Variants in ZNF140 observed in about 807,000 individuals in gnomAD.
The protein encoded by ZNF140 is zinc finger protein 140 (clone pHZ-39).
In ZNF140, 13 loss-of-function variants were observed where a neutral mutation model predicts 12.9. The ratio of observed to expected loss-of-function variants is 1.01; its 90% CI spans 0.66 to 1.60. The LOEUF (loss-of-function observed/expected upper bound fraction) is 1.60. Among genes scored for constraint, ZNF140 ranks in the 40% most tolerant of loss-of-function variants. The probability of loss-of-function intolerance (pLI) is 0.00; values close to 1 mark genes in which losing one functional copy is unlikely to be tolerated. For missense variants in ZNF140, 531 were observed against 548.8 expected, an observed-to-expected ratio of 0.97 and a Z score of 0.32; for synonymous variants, 214 against 186.7, an observed-to-expected ratio of 1.15 and a Z score of -1.19.
intron 4 of ZNF140, among the ~76,000 whole-genome samples, chr12:133,090,785 G>A (rs1380612007): frequency 1.4e-5 from 2 of 141,322 alleles, no homozygotes; most frequent in African/African-American, 2.6e-5. Flanking sequence ...GAGAAGGTCA[G>A]CAAAAAACAT....
intron 4 of ZNF140, among the ~76,000 whole-genome samples, chr12:133,088,383 A>T (rs1225373373): frequency 2.0e-5 from 3 of 152,230 alleles, no homozygotes; most frequent in Non-Finnish European, 4.4e-5. Context: ...GGCTTCTTTC[A>T]CATACTAATA....
At chr12:133,084,267 C>T (rs980988468) in intron 4 of ZNF140, 21 of 369,700 alleles carry the variant, frequency 5.7e-5, no homozygotes, top group African/African-American at 4.6e-4. Context: ...ACATATTTTG[C>T]TGTTCTATTT....
In ZNF140 at chr12:133,096,097, T is replaced by C. The variant is rs368676869; in HGVS notation, c.233-9413T>C. Among the ~76,000 whole-genome samples, 989 of 151,702 alleles carry C rather than the reference T, an allele frequency of 6.5e-3. 19 individuals carry two copies. The highest frequency in any genetic ancestry group is 0.01 in the Non-Finnish European group (710 of 67,766). Reference sequence around the variant, plus strand: ...AGGTCTTTCTCATCCCACGAGGCCATATTTCAGACTATCACATGGGGAGAA... The same window carrying C: ...AGGTCTTTCTCATCCCACGAGGCCACATTTCAGACTATCACATGGGGAGAA... On this transcript the variant is annotated intron_variant, in intron 4 of 4. Transcript: ENST00000355557.
chr12:133,091,262 G>A (rs998042800), intron 4 of ZNF140, among the ~76,000 whole-genome samples: 6 of 150,716 alleles, frequency 4.0e-5, no homozygotes, highest in Admixed American at 1.3e-4. Context: ...CTGGTTTATT[G>A]AGACTAGAGA....
At chr12:133,097,851 T>TGTGTGTG (rs1219923897) in intron 4 of ZNF140, among the ~76,000 whole-genome samples, 12 of 78,656 alleles carry the variant, frequency 1.5e-4, no homozygotes, top group African/African-American at 5.6e-4. Context: ...GTGTGTGTGT[T>TGTGTGTG]TTTGAGATGA....
intron 4 of ZNF140, among the ~76,000 whole-genome samples, chr12:133,095,685 A>C (rs983401423): frequency 6.6e-6 from 1 of 151,870 alleles, no homozygotes; most frequent in African/African-American, 2.4e-5. Flanking sequence ...AAAGGAATGT[A>C]GTAGGAGAGC....
rs938400305 is a variant in ZNF140, at chr12:133,091,935, C to A, written c.232+8374C>A. Among the ~76,000 whole-genome samples the A allele has an allele frequency of 9.4e-4, 142 of 151,282 alleles. 5 individuals are homozygous for A. Among genetic ancestry groups the A allele is most frequent in the South Asian group, 3.8e-3 (18 of 4,786 alleles). Reference sequence around the variant, plus strand: ...CTCGAGGTGTAATACAAAAATCTGACGTAGTCCAGTCACACTAACTGAAAA... The same window carrying A: ...CTCGAGGTGTAATACAAAAATCTGAAGTAGTCCAGTCACACTAACTGAAAA... On this transcript the variant is annotated intron_variant, in intron 4 of 4. Transcript: ENST00000355557.
intron 2 of ZNF140, chr12:133,081,532 G>A: frequency 2.2e-6 from 1 of 457,138 alleles, no homozygotes; most frequent in East Asian, 6.9e-5. Context: ...TGTTTTTCAG[G>A]ACTTGGGACG....
At chr12:133,100,753 TAA>T (rs1384794636) in intron 4 of ZNF140, among the ~76,000 whole-genome samples, 4 of 152,118 alleles carry the variant, frequency 2.6e-5, no homozygotes, top group Non-Finnish European at 5.9e-5. Flanking sequence ...CATGATTAAG[TAA>T]AATAAGGGTC....
intron 2 of ZNF140, 69 bp from the exon 3 acceptor site, chr12:133,083,034 T>C: frequency 6.2e-7 from 1 of 1,610,826 alleles, no homozygotes; most frequent in East Asian, 2.2e-5. Flanking sequence ...GTGAGACTCA[T>C]TTTATTCCTT....
At chr12:133,092,832 A>G (rs1235317937) in intron 4 of ZNF140, among the ~76,000 whole-genome samples, 1 of 151,196 alleles carries the variant, frequency 6.6e-6, no homozygotes, top group African/African-American at 2.5e-5. Flanking sequence ...ATAGTTCCAA[A>G]TTTATTGTTT....
chr12:133,106,533 AC>A lies in ZNF140; in HGVS notation c.1257del (p.Asn419LysfsTer72). The A allele has an allele frequency of 6.2e-7, 1 of 1,614,106 alleles. No individual in the cohort carries two copies. The highest frequency in any genetic ancestry group is 8.5e-7 in the Non-Finnish European group (1 of 1,180,026). The stretch of plus-strand genomic sequence containing the variant: ...AAACCCTATGTATGTAAGGTATGCA[AC>A]AAATCCTTCAGCTGGAGCTCAAACC... Reference protein sequence around the residue: ...GEKPYVCKVCNKSFSWSSNLA... With the variant: ...GEKPYVCKVCXKSFSWSSNLA... On this transcript the variant is annotated frameshift_variant, in exon 5 of 5. Coordinates refer to ENST00000355557, the MANE Select transcript of ZNF140 (RefSeq NM_003440.4). LOFTEE classifies it low-confidence loss of function (END_TRUNC).
At chr12:133,083,658 C>A in intron 4 of ZNF140, 97 bp downstream of exon 4, 1 of 1,224,226 alleles carries the variant, frequency 8.2e-7, no homozygotes, top group Non-Finnish European at 1.2e-6. Context: ...GAAAATTTTC[C>A]CTTAAAGATA....
chr12:133,083,212 G>A lies in ZNF140; in HGVS notation c.119G>A (p.Gly40Asp). 2 of 1,613,650 alleles carry A rather than the reference G, an allele frequency of 1.2e-6. No individual in the cohort carries two copies. Among genetic ancestry groups the A allele is most frequent in the Non-Finnish European group, 1.7e-6 (2 of 1,179,662 alleles). ...AGATGTGTAATGTTGGAGAACTATG[G>A]CCATCTGGTCTCACTGGGTAAGTAT... ...LYRCVMLENYGHLVSLGLSIS... is the reference protein window; with the variant it reads ...LYRCVMLENYDHLVSLGLSIS... The change falls in exon 3 of 5, where the codon GGC becomes GAC. Residue 40 changes from glycine (G) to aspartate (D), a missense_variant. Physicochemically the swap from Gly to Asp is moderately conservative, Grantham distance 94. Transcript: ENST00000355557.
intron 2 of ZNF140, 53 bp from the exon 3 acceptor site, chr12:133,083,050 G>A (rs1386955451): frequency 2.5e-6 from 4 of 1,612,784 alleles, no homozygotes; most frequent in Non-Finnish European, 3.4e-6. Context: ...TCCTTGATGA[G>A]GGAGTTTGGG....
chr12:133,090,130 T>G (rs1378284865), intron 4 of ZNF140, among the ~76,000 whole-genome samples: 1 of 152,050 alleles, frequency 6.6e-6, no homozygotes, highest in Non-Finnish European at 1.5e-5. Flanking sequence ...ATTATAGATG[T>G]GAGCCACCAC....
intron 4 of ZNF140, among the ~76,000 whole-genome samples, chr12:133,091,413 G>GC (rs1352843986): frequency 1.3e-5 from 2 of 151,372 alleles, no homozygotes; most frequent in East Asian, 1.9e-4. Flanking sequence ...AGTGGCTGGG[G>GC]AAAGCTACAA....
At chr12:133,083,428 A>G (rs1196255348) in intron 3 of ZNF140, 38 bp from the exon 4 acceptor site, 11 of 1,596,044 alleles carry the variant, frequency 6.9e-6, no homozygotes, top group African/African-American at 5.4e-5. Flanking sequence ...TTAGGATTCA[A>G]TGACTGATCT....
chr12:133,104,740 CA>C (rs1955520125), intron 4 of ZNF140, among the ~76,000 whole-genome samples: 1 of 152,144 alleles, frequency 6.6e-6, no homozygotes, highest in African/African-American at 2.4e-5. Flanking sequence ...CGTTAAAATT[CA>C]GCATGGAGAA....
Sources: allele counts gnomAD v4.1 joint callset (sites outside exome capture counted in the v4.1 genomes callset), GRCh38; gene constraint gnomAD v4.1.1; transcripts MANE v1.5; gene names NCBI Gene and HGNC (gene_info 2026-07-23, HGNC 2026-07-21).